Variants in RHOA observed in about 807,000 individuals in gnomAD.
The protein encoded by RHOA is transforming protein RhoA.
A neutral mutation model predicts 17.5 loss-of-function variants in RHOA; 3 were observed. That is an observed-to-expected ratio of 0.17 (90% confidence interval 0.08 to 0.44). The LOEUF (loss-of-function observed/expected upper bound fraction) is 0.44. Among genes scored for constraint, RHOA ranks in the 20% least tolerant of loss-of-function variants. The pLI is 0.99. For synonymous variants in RHOA, 98 were observed against 88.4 expected, an observed-to-expected ratio of 1.11 and a Z score of -0.61; for missense variants, 56 against 242.3, an observed-to-expected ratio of 0.23 and a Z score of 5.10.
chr3:49,399,401 T>C (rs1490889013), intron 1 of RHOA, among the ~76,000 whole-genome samples: 1 of 151,524 alleles, frequency 6.6e-6, no homozygotes, highest in East Asian at 1.9e-4. Context: ...ACAAATGATC[T>C]CTGAGACAAG....
intron 1 of RHOA, among the ~76,000 whole-genome samples, chr3:49,391,666 C>T (rs532150743): frequency 3.2e-4 from 49 of 151,934 alleles, no homozygotes; most frequent in African/African-American, 1.2e-3. Context: ...CATGCACCAC[C>T]ATGCCCGGGT....
Position 49,368,412 on chromosome 3 carries a change from G to A in RHOA, c.277+16C>T, listed in dbSNP as rs2107838240. ...TACACAGGCAGTGACAAATATCAGG[G>A]TGCAGGGCCACTCACCTAAACTATC... On this transcript the variant is annotated intron_variant, in intron 3 of 4. Coordinates refer to ENST00000418115, the MANE Select transcript of RHOA (RefSeq NM_001664.4). The A allele has an allele frequency of 6.2e-7, 1 of 1,611,990 alleles. No individual in the cohort carries two copies. Among genetic ancestry groups the A allele is most frequent in the Non-Finnish European group, 8.5e-7 (1 of 1,178,462 alleles).
Position 49,409,078 on chromosome 3 carries a change from G to T in RHOA, c.-3+2742C>A, listed in dbSNP as rs577618779. On this transcript the variant is annotated intron_variant, in intron 1 of 4. Transcript: ENST00000418115. Reference sequence around the variant, plus strand: ...GCTGGGATTACAGGCATGAACCACCGCGCCCTGCCAGGATCCTTTTAAAAC... The same window carrying T: ...GCTGGGATTACAGGCATGAACCACCTCGCCCTGCCAGGATCCTTTTAAAAC... 7.4e-5 allele frequency among the ~76,000 whole-genome samples: 11 copies of T among 148,968 alleles called. No homozygotes were observed. The South Asian group carries it at 2.0e-3, about 27-fold the overall frequency.
chr3:49,364,597 G>A (rs193106447), intron 3 of RHOA, among the ~76,000 whole-genome samples: 58 of 151,774 alleles, frequency 3.8e-4, no homozygotes, highest in Non-Finnish European at 5.9e-5. Context: ...GGAGGTGGAG[G>A]TTGCAGTGAG....
At chr3:49,393,729 T>A (rs7650254) in intron 1 of RHOA, among the ~76,000 whole-genome samples, 120,340 of 136,812 alleles carry the variant, frequency 0.88, 53,181 homozygotes, top group East Asian at 0.98. Context: ...TGTGTGTGTG[T>A]GACAGAATCT....
chr3:49,387,767 C>T (rs1278726682), intron 1 of RHOA, among the ~76,000 whole-genome samples: 2 of 151,690 alleles, frequency 1.3e-5, no homozygotes, highest in Non-Finnish European at 2.9e-5. Flanking sequence ...AAAAAAAACC[C>T]TATTATGTTT....
intron 3 of RHOA, among the ~76,000 whole-genome samples, chr3:49,368,024 C>T (rs1022082184): frequency 8.6e-5 from 13 of 152,046 alleles, no homozygotes; most frequent in Admixed American, 6.6e-5. Context: ...ATTCTCCTGC[C>T]TCAGCCTCCC....
chr3:49,359,871 T>A lies in RHOA; in HGVS notation c.*338A>T. 2 of 289,522 alleles carry A rather than the reference T, an allele frequency of 6.9e-6. No individual in the cohort carries two copies. The highest frequency in any genetic ancestry group is 1.6e-4 in the South Asian group (2 of 12,694). 17.9% of individuals were successfully genotyped at this position (289,522 alleles called of 1,614,324 possible). ...ACAGATAATAGGCAGGACATGTTAG[T>A]TATAAAGTAGTTACAGCCTAATTCA... is the stretch of plus-strand genomic sequence containing the variant. On this transcript the variant is annotated 3_prime_UTR_variant, in exon 5 of 5. Coordinates refer to ENST00000418115, the MANE Select transcript of RHOA (RefSeq NM_001664.4).
chr3:49,395,205 C>T (rs908555707), intron 1 of RHOA, among the ~76,000 whole-genome samples: 3 of 150,262 alleles, frequency 2.0e-5, no homozygotes, highest in East Asian at 2.0e-4. Flanking sequence ...GAGCCGAGAT[C>T]GCACCACGGC....
chr3:49,391,854 G>A (rs1189058614), intron 1 of RHOA, among the ~76,000 whole-genome samples: 6 of 119,570 alleles, frequency 5.0e-5, no homozygotes, highest in Non-Finnish European at 8.2e-5. Flanking sequence ...TTGAGACAGC[G>A]TTTCGATCTT....
intron 1 of RHOA, among the ~76,000 whole-genome samples, chr3:49,381,530 G>A (rs1260775694): frequency 2.6e-5 from 4 of 151,186 alleles, no homozygotes; most frequent in East Asian, 3.9e-4. Flanking sequence ...AGCTGAGAAC[G>A]CGCCACTGCA....
intron 1 of RHOA, among the ~76,000 whole-genome samples, chr3:49,380,621 G>A (rs1415038239): frequency 1.3e-5 from 2 of 150,750 alleles, no homozygotes. Flanking sequence ...GTTGCAGTGA[G>A]CCAAGATCAT....
Position 49,359,445 on chromosome 3 carries a change from T to C in RHOA, c.*764A>G, listed in dbSNP as rs1297658912. ...TGAGATACATGGGGCCGAAAAGGGG[T>C]AATATGGCCATCTTTTATCAGAAAA... On this transcript the variant is annotated 3_prime_UTR_variant, in exon 5 of 5. Transcript: ENST00000418115. 5.3e-6 allele frequency: 1 copy of C among 189,946 alleles called. No individual in the cohort carries two copies. The highest frequency in any genetic ancestry group is 1.1e-5 in the Non-Finnish European group (1 of 90,338). 11.8% of individuals were successfully genotyped at this position (189,946 alleles called of 1,614,324 possible). A position where few individuals can be genotyped will look rare whatever the true frequency, so the allele number is the denominator to read the frequency against.
At chr3:49,373,316 C>G (rs1486420119) in intron 2 of RHOA, 1 of 215,350 alleles carries the variant, frequency 4.6e-6, no homozygotes, top group Non-Finnish European at 1.0e-5. Flanking sequence ...TGCACTCCAA[C>G]CTGGGTGATA....
chr3:49,389,325 A>G (rs2048457180), intron 1 of RHOA, among the ~76,000 whole-genome samples: 1 of 152,032 alleles, frequency 6.6e-6, no homozygotes, highest in African/African-American at 2.4e-5. Context: ...CAAAAAAAAA[A>G]AGGAGCATAG....
intron 1 of RHOA, among the ~76,000 whole-genome samples, chr3:49,384,092 A>G (rs895503669): frequency 6.6e-6 from 1 of 152,186 alleles, no homozygotes; most frequent in African/African-American, 2.4e-5. Flanking sequence ...CAGAAAAAGA[A>G]TAAAATCATT....
intron 1 of RHOA, among the ~76,000 whole-genome samples, chr3:49,402,494 C>T: frequency 6.6e-6 from 1 of 152,000 alleles, no homozygotes; most frequent in Non-Finnish European, 1.5e-5. Flanking sequence ...GACAACATGG[C>T]AAAACGTCAT....
At chr3:49,407,235 T>G (rs1350314186) in intron 1 of RHOA, among the ~76,000 whole-genome samples, 8 of 24,158 alleles carry the variant, frequency 3.3e-4, no homozygotes, top group Admixed American at 1.5e-3. Context: ...CCTTTCCGTT[T>G]TTTTTTTTTT....
intron 1 of RHOA, among the ~76,000 whole-genome samples, chr3:49,410,851 G>A (rs980485396): frequency 3.3e-5 from 5 of 152,162 alleles, no homozygotes; most frequent in African/African-American, 9.6e-5. Context: ...AACCAAACAA[G>A]TCAACAACAG....
Sources: gnomAD v4.1 joint callset for allele counts (sites outside exome capture counted in the v4.1 genomes callset) on GRCh38, gnomAD v4.1.1 for gene constraint, MANE v1.5 for transcripts, NCBI Gene and HGNC (gene_info 2026-07-23, HGNC 2026-07-21) for gene names.